Variants in TAF4 observed in about 807,000 individuals in gnomAD.
TAF4 encodes transcription initiation factor TFIID subunit 4.
Under a neutral mutation model 90.3 loss-of-function variants are expected in TAF4, and 9 were observed. The observed-to-expected ratio is 0.10, with a 90% CI of 0.06 to 0.17. The LOEUF (loss-of-function observed/expected upper bound fraction) is 0.17. Among genes scored for constraint, TAF4 ranks in the 10% least tolerant of loss-of-function variants. TAF4 has a pLI of 1.00. For missense variants in TAF4, 1,351 were observed against 1,370.7 expected (o/e 0.99, Z 0.23); for synonymous variants, 818 against 638.9 (o/e 1.28, Z -4.23).
intron 14 of TAF4, among the ~76,000 whole-genome samples, chr20:61,991,096 A>G (rs1186641443): frequency 3.9e-5 from 6 of 152,302 alleles, no homozygotes; most frequent in Admixed American, 2.6e-4. Context: ...TGGAAGCCAA[A>G]AAGGACAAAA....
At chr20:62,041,682 C>T (rs991812940) in intron 1 of TAF4, among the ~76,000 whole-genome samples, 1 of 151,686 alleles carries the variant, frequency 6.6e-6, no homozygotes. Flanking sequence ...CAGTAGCTCA[C>T]CACTTTGAGC....
intron 14 of TAF4, among the ~76,000 whole-genome samples, chr20:61,979,595 G>A (rs1600822712): frequency 6.8e-6 from 1 of 148,030 alleles, no homozygotes; most frequent in African/African-American, 2.5e-5. Flanking sequence ...CCTCTAGAGG[G>A]ACTGTGGCAT....
intron 11 of TAF4, among the ~76,000 whole-genome samples, chr20:61,999,673 T>C (rs893949431): frequency 2.0e-5 from 3 of 152,158 alleles, no homozygotes; most frequent in African/African-American, 7.2e-5. Flanking sequence ...CCGCCAGGCA[T>C]AGAGGCTCAT....
chr20:62,026,945 C>A (rs1475061460), intron 1 of TAF4, among the ~76,000 whole-genome samples: 1 of 152,208 alleles, frequency 6.6e-6, no homozygotes, highest in Middle Eastern at 3.2e-3. Flanking sequence ...AAACACCAAC[C>A]CGTGGAGACT....
intron 1 of TAF4, among the ~76,000 whole-genome samples, chr20:62,038,407 C>T (rs1022472760): frequency 2.0e-5 from 3 of 151,752 alleles, no homozygotes; most frequent in African/African-American, 4.8e-5. Flanking sequence ...ATGATCCGCC[C>T]GCCTCAGCCT....
intron 7 of TAF4, chr20:62,005,559 G>T (rs1478941813): frequency 1.3e-5 from 2 of 152,246 alleles, no homozygotes; most frequent in Non-Finnish European, 2.9e-5. Flanking sequence ...TTACACTAAA[G>T]CAAGAGGCAC....
At position 61,979,731 on chromosome 20, in the gene TAF4, G is replaced by A. The variant is rs868050990; in HGVS notation, c.3091-3396C>T. ...AGGGACTGTGGCCCGTGCAGGCGCG[G>A]TGGCCACTCCAGAGGTACTGCGGCA... is the stretch of plus-strand genomic sequence containing the variant. On this transcript the variant is annotated intron_variant, in intron 14 of 14. Coordinates refer to ENST00000252996, the MANE Select transcript of TAF4 (RefSeq NM_003185.4). Among the ~76,000 whole-genome samples the A allele has an allele frequency of 4.5e-3, 554 of 121,952 alleles. 8 individuals carry two copies. Among genetic ancestry groups the A allele is most frequent in the Middle Eastern group, 7.2e-3 (1 of 138 alleles). 80.0% of individuals were successfully genotyped at this position (121,952 alleles called of 152,430 possible).
At position 62,065,091 on chromosome 20, in the gene TAF4, C is replaced by G. The variant is rs758655609; in HGVS notation, c.720G>C (p.Thr240=). 4 of 990,318 alleles carry G rather than the reference C, an allele frequency of 4.0e-6. No individual in the cohort carries two copies. The highest frequency in any genetic ancestry group is 6.2e-5 in the Admixed American group (1 of 16,142). The allele number at this position is 990,318 out of a possible 1,614,324, so 61.3% of individuals were successfully genotyped here. Residue 240 remains threonine, a synonymous_variant, in exon 1 of 15, where the codon ACG becomes ACC. Transcript: ENST00000252996. ...GCGCGGCGGCGCCCACGAAGGGGGG[C>G]GTCTGGATGACAGTGCCGGGGGCGG... is the stretch of plus-strand genomic sequence containing the variant. ...KPAAPGTVIQ[T]PPFVGAAAPP...
chr20:62,006,904 T>C lies in TAF4; in HGVS notation c.1975-146A>G. 3 of 1,176,212 alleles carry C rather than the reference T, an allele frequency of 2.6e-6. No homozygotes were observed. The highest frequency in any genetic ancestry group is 3.3e-6 in the Non-Finnish European group (3 of 910,652). The allele number at this position is 1,176,212 out of a possible 1,614,324, so 72.9% of individuals were successfully genotyped here. ...GCCCTCACGGCAGCATGTCTGGATG[T>C]CAAGGGCCAGGACCCCATCCTGCCC... On this transcript the variant is annotated intron_variant, in intron 6 of 14. Coordinates refer to ENST00000252996, the MANE Select transcript of TAF4 (RefSeq NM_003185.4). The surrounding 1 kb of genome is among the most constrained non-coding windows in gnomAD (Gnocchi z 7.0).
intron 1 of TAF4, among the ~76,000 whole-genome samples, chr20:62,015,897 T>C (rs1420338849): frequency 6.6e-6 from 1 of 152,124 alleles, no homozygotes; most frequent in African/African-American, 2.4e-5. Context: ...AAATTCTTGA[T>C]CCAAAAAGCC....
rs755551996 is a variant in TAF4, at chr20:62,003,166, G to A, written c.2480C>T (p.Ser827Leu). 2.5e-5 allele frequency: 40 copies of A among 1,613,910 alleles called. No homozygotes were observed. Among genetic ancestry groups the A allele is most frequent in the African/African-American group, 1.5e-4 (11 of 74,890 alleles). ...KNKLKEPGGG[S>L]FRDDDDINDV... is the part of the protein sequence containing the mutation. The stretch of plus-strand genomic sequence containing the variant: ...ACACAGGCCCATTCCTTACCGAAAC[G>A]AACCTCCCCCAGGCTCCTTGAGTTT... Residue 827 changes from serine (S) to leucine (L), a missense_variant, in exon 9 of 15, where the codon TCG (serine) becomes TTG (leucine). Ser to Leu is a moderately radical substitution (Grantham distance 145). Around this residue, in one of 9 missense-constraint regions of TAF4, gnomAD observed 6 missense variants for 28.0 expected, o/e 0.21. Coordinates refer to ENST00000252996, the MANE Select transcript of TAF4 (RefSeq NM_003185.4).
chr20:61,975,775 G>A lies in TAF4; in HGVS notation c.*393C>T, dbSNP rs2055490364. The A allele has an allele frequency of 5.8e-6, 1 of 171,016 alleles. No homozygotes were observed. The highest frequency in any genetic ancestry group is 1.3e-5 in the Non-Finnish European group (1 of 79,912). 10.6% of individuals were successfully genotyped at this position (171,016 alleles called of 1,614,324 possible). On this transcript the variant is annotated 3_prime_UTR_variant, in exon 15 of 15. Transcript: ENST00000252996. ...ATTACAAAAATAAAATAAACGAAAT[G>A]AGGTCATCGGCTGTAGACATACACC...
chr20:62,064,330 G>C, intron 1 of TAF4, 121 bp downstream of exon 1: 3 of 1,168,004 alleles, frequency 2.6e-6, no homozygotes, highest in Non-Finnish European at 3.3e-6. Flanking sequence ...CCCTCGGCCT[G>C]CTCCAGCCAC....
At chr20:61,994,035 A>G (rs748704230) in intron 14 of TAF4, among the ~76,000 whole-genome samples, 2 of 151,938 alleles carry the variant, frequency 1.3e-5, no homozygotes, top group Non-Finnish European at 2.9e-5. Flanking sequence ...ACAACGTTCT[A>G]GTTCTCGAAC....
At position 61,998,200 on chromosome 20, in the gene TAF4, T is replaced by C; in HGVS notation, c.2914-8A>G. The stretch of plus-strand genomic sequence containing the variant: ...TTCTTGTCTTGACCGAGACTATTTT[T>C]GAAAGAGGCAGAAAAGAAAAGTAAG... On this transcript the variant is annotated splice_region_variant and splice_polypyrimidine_tract_variant and intron_variant, in intron 12 of 14. Coordinates refer to ENST00000252996, the MANE Select transcript of TAF4 (RefSeq NM_003185.4). The C allele has an allele frequency of 1.2e-6, 2 of 1,612,288 alleles. No homozygotes were observed. Among genetic ancestry groups the C allele is most frequent in the Non-Finnish European group, 1.7e-6 (2 of 1,179,544 alleles).
At chr20:62,023,767 A>AG (rs2055858169) in intron 1 of TAF4, among the ~76,000 whole-genome samples, 1 of 117,032 alleles carries the variant, frequency 8.5e-6, no homozygotes, top group African/African-American at 3.1e-5. Context: ...AAAAAAAAAA[A>AG]AAAGAAAGAA....
intron 14 of TAF4, among the ~76,000 whole-genome samples, chr20:61,990,331 T>C (rs1459106262): frequency 6.6e-6 from 1 of 152,208 alleles, no homozygotes; most frequent in East Asian, 1.9e-4. Flanking sequence ...ATTTGAAAAC[T>C]ACTTCAAACT....
intron 1 of TAF4, among the ~76,000 whole-genome samples, chr20:62,017,479 A>G (rs2055818630): frequency 6.7e-6 from 1 of 148,276 alleles, no homozygotes; most frequent in African/African-American, 2.6e-5. Context: ...TCTACTAAAA[A>G]TACAAAAAAA....
At chr20:61,979,729 C>T (rs1461527594) in intron 14 of TAF4, among the ~76,000 whole-genome samples, 3 of 149,954 alleles carry the variant, frequency 2.0e-5, no homozygotes, top group East Asian at 2.0e-4. Context: ...CGTGCAGGCG[C>T]GGTGGCCACT....
Sources: gnomAD v4.1 joint callset for allele counts (sites outside exome capture counted in the v4.1 genomes callset) on GRCh38, gnomAD v4.1.1 for gene constraint, gnomAD v4.1.1 regional missense constraint, Gnocchi (gnomAD v3.1) non-coding constraint, MANE v1.5 for transcripts, NCBI Gene and HGNC (gene_info 2026-07-23, HGNC 2026-07-21) for gene names.